Variants in ARHGEF10 observed in about 807,000 individuals in gnomAD.
The protein encoded by ARHGEF10 is Rho guanine nucleotide exchange factor 10, also known as Rho guanine nucleotide exchange factor (GEF) 10.
In ARHGEF10, 140 loss-of-function variants were observed where a neutral mutation model predicts 147.4. The ratio of observed to expected loss-of-function variants is 0.95; its 90% CI spans 0.83 to 1.09. The LOEUF (loss-of-function observed/expected upper bound fraction) is 1.09. Ranked by LOEUF, ARHGEF10 falls within the 50% of genes least tolerant of loss-of-function variation. The pLI is 0.00. For synonymous variants in ARHGEF10, 902 were observed against 695.8 expected (o/e 1.30, Z -4.67); for missense variants, 2,222 against 1,752.7 (o/e 1.27, Z -4.78).
chr8:1,879,991 T>C, intron 8 of ARHGEF10, 57 bp from the exon 9 acceptor site: 1 of 1,230,540 alleles, frequency 8.1e-7, no homozygotes, highest in Non-Finnish European at 1.2e-6. Flanking sequence ...TGTAAAATTG[T>C]CCCAAAGAAC....
At chr8:1,890,816 A>G (rs1809468659) in intron 11 of ARHGEF10, among the ~76,000 whole-genome samples, 2 of 152,014 alleles carry the variant, frequency 1.3e-5, no homozygotes, top group South Asian at 4.1e-4. Flanking sequence ...TTTTTGTTGT[A>G]TGGCACTTTT....
chr8:1,905,738 A>G (rs761275067), intron 17 of ARHGEF10, 22 bp downstream of exon 17: 3 of 1,611,844 alleles, frequency 1.9e-6, no homozygotes, highest in Admixed American at 1.7e-5. Context: ...AATTCTCTAT[A>G]GTAGTCCTAC....
intron 23 of ARHGEF10, among the ~76,000 whole-genome samples, chr8:1,927,956 A>T (rs1563297825): frequency 1.3e-5 from 2 of 152,190 alleles, no homozygotes; most frequent in Non-Finnish European, 2.9e-5. Flanking sequence ...AAGAAAAAAA[A>T]AGAAATTCCA....
chr8:1,914,473 G>A (rs187643629), intron 18 of ARHGEF10, among the ~76,000 whole-genome samples: 9 of 152,378 alleles, frequency 5.9e-5, no homozygotes, highest in Non-Finnish European at 1.2e-4. Context: ...ACAGTGCCTG[G>A]TCTCCAACGT....
chr8:1,859,801 G>A, intron 3 of ARHGEF10, 96 bp from the exon 4 acceptor site: 1 of 1,447,724 alleles, frequency 6.9e-7, no homozygotes. Flanking sequence ...GGATGATGGT[G>A]GGAGCTCATA....
At chr8:1,831,857 A>G (rs528732971) in intron 1 of ARHGEF10, among the ~76,000 whole-genome samples, 3 of 152,250 alleles carry the variant, frequency 2.0e-5, no homozygotes, top group South Asian at 4.1e-4. Flanking sequence ...ATGGGATCCT[A>G]TGGGGCTGTG....
chr8:1,868,456 C>T (rs945630488), intron 6 of ARHGEF10, among the ~76,000 whole-genome samples: 10 of 152,182 alleles, frequency 6.6e-5, no homozygotes, highest in Admixed American at 2.0e-4. Flanking sequence ...TCATGTGAAG[C>T]GTGTAACTCT....
chr8:1,899,360 G>C (rs1810276472), intron 15 of ARHGEF10, among the ~76,000 whole-genome samples: 1 of 152,202 alleles, frequency 6.6e-6, no homozygotes, highest in Non-Finnish European at 1.5e-5. Flanking sequence ...TGATTGCTCA[G>C]CTTGCTTTTT....
intron 26 of ARHGEF10, among the ~76,000 whole-genome samples, chr8:1,942,387 T>C: frequency 6.6e-6 from 1 of 151,768 alleles, no homozygotes; most frequent in Non-Finnish European, 1.5e-5. Context: ...TAGGGAATCA[T>C]GGAGCGAAAC....
intron 8 of ARHGEF10, among the ~76,000 whole-genome samples, chr8:1,878,167 G>A (rs777205505): frequency 2.0e-5 from 3 of 150,210 alleles, no homozygotes; most frequent in Admixed American, 1.3e-4. Context: ...TTAAACAACC[G>A]ATGAAGCTGC....
rs527497383 is a variant in ARHGEF10 at position 1,894,497 on chromosome 8, A to T, written c.1365A>T (p.Leu455=). 5.6e-6 allele frequency: 9 copies of T among 1,614,164 alleles called. No homozygotes were observed. Among genetic ancestry groups the T allele is most frequent in the Non-Finnish European group, 6.8e-6 (8 of 1,180,012 alleles). The change falls in exon 13 of 29, where the codon CTA becomes CTT. Residue 455 remains leucine (L), a synonymous_variant. Transcript: ENST00000349830. ...AAGAGATCCTGCAGTGCCACTCGCT[A>T]TTTCAGATCGCGCTGGCCAGCCGCG... ...RVKEILQCHS[L]FQIALASRVS...
intron 28 of ARHGEF10, among the ~76,000 whole-genome samples, chr8:1,955,058 G>A (rs1257745772): frequency 8.9e-6 from 1 of 112,850 alleles, no homozygotes; most frequent in Non-Finnish European, 1.9e-5. Flanking sequence ...GGGTAGCTAG[G>A]TGCTCCCTGA....
chr8:1,897,829 G>T (rs961130253), intron 14 of ARHGEF10, among the ~76,000 whole-genome samples: 1 of 152,076 alleles, frequency 6.6e-6, no homozygotes, highest in Non-Finnish European at 1.5e-5. Context: ...CGTGGCCTTG[G>T]GAGATAGACT....
At chr8:1,861,402 C>A (rs1563193112) in intron 4 of ARHGEF10, among the ~76,000 whole-genome samples, 2 of 152,330 alleles carry the variant, frequency 1.3e-5, no homozygotes, top group Admixed American at 6.5e-5. Flanking sequence ...TAAGCACATA[C>A]CCTGCCTCTG....
intron 26 of ARHGEF10, among the ~76,000 whole-genome samples, chr8:1,939,296 T>A (rs1813885473): frequency 6.6e-6 from 1 of 152,248 alleles, no homozygotes; most frequent in African/African-American, 2.4e-5. Context: ...AATACCCATA[T>A]AATCTGTCCT....
chr8:1,886,606 G>A (rs935424248), intron 11 of ARHGEF10, among the ~76,000 whole-genome samples: 7 of 152,202 alleles, frequency 4.6e-5, no homozygotes, highest in Admixed American at 1.3e-4. Context: ...AGCATCACAC[G>A]AGTGACGGGA....
rs368276423 is a variant in ARHGEF10 at position 1,905,696 on chromosome 8, G to A, written c.1947G>A (p.Met649Ile). Residue 649 changes from methionine (M) to isoleucine (I), a missense_variant, in exon 17 of 29, where the codon ATG becomes ATA. Physicochemically the swap from Met to Ile is conservative, Grantham distance 10. Transcript: ENST00000349830. Reference sequence around the variant, plus strand: ...TCTTCATGTTAAATGATGTGTTAATGTGTGCCACCGTCAGCTCACGGTAAG... The same window carrying A: ...TCTTCATGTTAAATGATGTGTTAATATGTGCCACCGTCAGCTCACGGTAAG... ...RRVFMLNDVL[M>I]CATVSSRPSH... The A allele has an allele frequency of 5.0e-6, 8 of 1,613,922 alleles. No homozygotes were observed. Among genetic ancestry groups the A allele is most frequent in the Non-Finnish European group, 6.8e-6 (8 of 1,180,058 alleles).
intron 5 of ARHGEF10, among the ~76,000 whole-genome samples, chr8:1,864,656 C>T (rs1011302696): frequency 7.2e-5 from 11 of 152,258 alleles, no homozygotes; most frequent in African/African-American, 2.4e-4. Context: ...GGTCTGATTT[C>T]AGGCGTCCAG....
chr8:1,902,093 T>C (rs569128876), intron 15 of ARHGEF10, among the ~76,000 whole-genome samples: 1 of 152,170 alleles, frequency 6.6e-6, no homozygotes, highest in South Asian at 2.1e-4. Context: ...CAACCCGTCA[T>C]CTAGGTTTTA....
Sources: gnomAD v4.1 joint callset for allele counts (sites outside exome capture counted in the v4.1 genomes callset) on GRCh38, gnomAD v4.1.1 for gene constraint, MANE v1.5 for transcripts, NCBI Gene and HGNC (gene_info 2026-07-23, HGNC 2026-07-21) for gene names.